Variants in DNAI1 observed in about 807,000 individuals in gnomAD.
DNAI1 encodes the protein dynein, axonemal, intermediate polypeptide 1.
DNAI1 carries 67 observed loss-of-function variants against 92.0 expected under a neutral mutation model. That is an observed-to-expected ratio of 0.73 (90% CI 0.60 to 0.89). The LOEUF is 0.89. DNAI1 is among the 40% of genes least tolerant of loss of function. The probability of loss-of-function intolerance (pLI) is 0.00; values close to 1 mark genes in which losing one functional copy is unlikely to be tolerated. For missense variants in DNAI1, 839 were observed against 866.6 expected (o/e 0.97, Z 0.40); for synonymous variants, 323 against 319.6 (o/e 1.01, Z -0.11).
intron 1 of DNAI1, among the ~76,000 whole-genome samples, chr9:34,468,380 G>A (rs1824077666): frequency 1.3e-5 from 2 of 149,544 alleles, no homozygotes; most frequent in Non-Finnish European, 3.0e-5. Flanking sequence ...TAGTAGAGAC[G>A]GGGTTTCACC....
At chr9:34,460,625 A>G (rs575992875) in intron 1 of DNAI1, among the ~76,000 whole-genome samples, 1 of 147,598 alleles carries the variant, frequency 6.8e-6, no homozygotes, top group South Asian at 2.2e-4. Context: ...TCCTGACCCT[A>G]TATTTACAGG....
chr9:34,513,435 C>T (rs757244333), intron 16 of DNAI1, among the ~76,000 whole-genome samples: 1 of 152,104 alleles, frequency 6.6e-6, no homozygotes, highest in Non-Finnish European at 1.5e-5. Context: ...TCCTCCGGGC[C>T]CTCCCTCCCT....
At chr9:34,480,993 C>G (rs941018700) in intron 1 of DNAI1, among the ~76,000 whole-genome samples, 1 of 151,758 alleles carries the variant, frequency 6.6e-6, no homozygotes, top group Non-Finnish European at 1.5e-5. Context: ...GTAATCCCAG[C>G]ACTTTGGGAA....
intron 12 of DNAI1, among the ~76,000 whole-genome samples, chr9:34,501,526 G>A (rs1824830968): frequency 6.6e-6 from 1 of 152,232 alleles, no homozygotes; most frequent in South Asian, 2.1e-4. Context: ...AAAGGGCCTG[G>A]TAAGCCATTC....
chr9:34,513,391 C>T (rs1326064996), intron 16 of DNAI1, among the ~76,000 whole-genome samples, 200 bp downstream of exon 16: 2 of 152,168 alleles, frequency 1.3e-5, no homozygotes, highest in African/African-American at 4.8e-5. Context: ...GATGGAGAAT[C>T]TAGAGGGTGA....
chr9:34,481,136 G>A (rs1380445103), intron 1 of DNAI1, among the ~76,000 whole-genome samples: 10 of 152,122 alleles, frequency 6.6e-5, no homozygotes, highest in South Asian at 2.1e-4. Flanking sequence ...GAGGCTACTC[G>A]GGAGGTTGAG....
intron 18 of DNAI1, among the ~76,000 whole-genome samples, chr9:34,516,204 A>G (rs1825168454): frequency 6.6e-6 from 1 of 152,156 alleles, no homozygotes; most frequent in African/African-American, 2.4e-5. Context: ...AAGGAACAGG[A>G]AGGCAAGTGT....
intron 13 of DNAI1, among the ~76,000 whole-genome samples, chr9:34,507,141 G>A (rs1335739642): frequency 3.3e-5 from 5 of 152,158 alleles, no homozygotes; most frequent in Non-Finnish European, 7.3e-5. Flanking sequence ...TAGATGTGGC[G>A]ATCAGTAACT....
chr9:34,465,529 T>C (rs1202072351), intron 1 of DNAI1, among the ~76,000 whole-genome samples: 1 of 152,260 alleles, frequency 6.6e-6, no homozygotes, highest in Non-Finnish European at 1.5e-5. Flanking sequence ...ATTATAGTCA[T>C]GCTATTTTCA....
chr9:34,476,148 G>T (rs768012071), intron 1 of DNAI1, among the ~76,000 whole-genome samples: 2 of 152,136 alleles, frequency 1.3e-5, no homozygotes, highest in African/African-American at 4.8e-5. Flanking sequence ...AATAATGACC[G>T]TACAATGCCC....
chr9:34,463,758 C>T (rs967300448), intron 1 of DNAI1, among the ~76,000 whole-genome samples: 17 of 152,128 alleles, frequency 1.1e-4, no homozygotes, highest in African/African-American at 4.1e-4. Context: ...ATTTTGTGGT[C>T]TCTCAAGAGG....
chr9:34,514,252 A>AGCCAGGAGCTTGGCCCCAGTTCAGCT, intron 16 of DNAI1, 142 bp from the exon 17 acceptor site: 2 of 1,103,486 alleles, frequency 1.8e-6, no homozygotes, highest in South Asian at 2.6e-5. Flanking sequence ...TGGGAAGGGC[A>AGCCAGGAGCTTGGCCCCAGTTCAGCT]GCCAGGAGCT....
At chr9:34,482,631 T>C (rs1824383968) in intron 1 of DNAI1, among the ~76,000 whole-genome samples, 1 of 152,160 alleles carries the variant, frequency 6.6e-6, no homozygotes, top group Non-Finnish European at 1.5e-5. Context: ...GATTGGTGTA[T>C]TTACAATCCC....
At chr9:34,475,748 A>C (rs1824224724) in intron 1 of DNAI1, among the ~76,000 whole-genome samples, 1 of 152,226 alleles carries the variant, frequency 6.6e-6, no homozygotes, top group African/African-American at 2.4e-5. Flanking sequence ...AGCAGGTAGC[A>C]GAGTGGGGAC....
chr9:34,484,492 T>G (rs1214683956), intron 2 of DNAI1, among the ~76,000 whole-genome samples: 3 of 152,222 alleles, frequency 2.0e-5, no homozygotes, highest in Admixed American at 6.5e-5. Context: ...GCCAATTTTA[T>G]AGTGAAAAAA....
intron 10 of DNAI1, 122 bp from the exon 11 acceptor site, chr9:34,500,600 T>G (rs918767890): frequency 4.2e-6 from 3 of 715,014 alleles, no homozygotes; most frequent in African/African-American, 3.5e-5. Context: ...GGTAGTAGTA[T>G]TATTCCCACT....
At chr9:34,498,580 A>G (rs1328147695) in intron 10 of DNAI1, among the ~76,000 whole-genome samples, 1 of 152,264 alleles carries the variant, frequency 6.6e-6, no homozygotes, top group African/African-American at 2.4e-5. Flanking sequence ...GGGCCTGGGA[A>G]ATTCTGGTGT....
intron 13 of DNAI1, among the ~76,000 whole-genome samples, chr9:34,511,388 C>T (rs1825062171): frequency 6.6e-6 from 1 of 152,148 alleles, no homozygotes; most frequent in African/African-American, 2.4e-5. Context: ...AAATCTGGGA[C>T]TGGGAGCAAA....
intron 1 of DNAI1, among the ~76,000 whole-genome samples, chr9:34,479,688 A>C (rs1474278025): frequency 6.6e-6 from 1 of 152,110 alleles, no homozygotes; most frequent in African/African-American, 2.4e-5. Context: ...GGACGCTTCC[A>C]TCCCATTACC....
Sources: gnomAD v4.1 joint callset for allele counts (sites outside exome capture counted in the v4.1 genomes callset) on GRCh38, gnomAD v4.1.1 for gene constraint, MANE v1.5 for transcripts, NCBI Gene and HGNC (gene_info 2026-07-23, HGNC 2026-07-21) for gene names.